The following FSD1L variants were observed in gnomAD, a reference collection of about 807,000 sequenced individuals.
The protein encoded by FSD1L is fibronectin type III and SPRY domain containing 1 like.
In FSD1L, 45 loss-of-function variants were observed where a neutral mutation model predicts 71.6. That is an observed-to-expected ratio of 0.63 (90% CI 0.49 to 0.81). The LOEUF (loss-of-function observed/expected upper bound fraction) is 0.81, where lower values mean the gene tolerates loss of function less well. Ranked by LOEUF, FSD1L falls within the 30% of genes least tolerant of loss-of-function variation. FSD1L has a pLI of 0.00. For missense variants in FSD1L, 561 were observed against 618.1 expected (o/e 0.91, Z 0.98); for synonymous variants, 197 against 207.2 (o/e 0.95, Z 0.42).
chr9:105,537,377 T>G (rs1229975851), intron 12 of FSD1L, among the ~76,000 whole-genome samples: 1 of 152,274 alleles, frequency 6.6e-6, no homozygotes, highest in African/African-American at 2.4e-5. Context: ...GTTTTTTAAC[T>G]TATTCACCTT....
intron 7 of FSD1L, among the ~76,000 whole-genome samples, chr9:105,491,666 A>G (rs1351350691): frequency 3.3e-5 from 5 of 152,036 alleles, no homozygotes; most frequent in Non-Finnish European, 7.4e-5. Context: ...ATTTTGAGAT[A>G]CGTCCCATCA....
At chr9:105,447,936 G>C (rs981611614), upstream of FSD1L, 3 of 520,210 alleles carry the variant, frequency 5.8e-6, no homozygotes, top group Admixed American at 4.1e-5. Flanking sequence ...TAGACAGACG[G>C]GCGGCGCTCC....
upstream of FSD1L, chr9:105,447,943 C>T: frequency 1.9e-6 from 1 of 524,354 alleles, no homozygotes; most frequent in Non-Finnish European, 3.3e-6. Flanking sequence ...ACGGGCGGCG[C>T]TCCCCACCCT....
At chr9:105,524,460 C>T in intron 10 of FSD1L, 9 of 1,613,428 alleles carry the variant, frequency 5.6e-6, no homozygotes, top group South Asian at 4.4e-5. Context: ...CATGGCCTTA[C>T]CTCTAAAGAC....
At chr9:105,500,904 G>C (rs1293229787) in intron 7 of FSD1L, 2 of 152,112 alleles carry the variant, frequency 1.3e-5, no homozygotes, top group East Asian at 3.8e-4. Context: ...TATCAGAAAG[G>C]CTTTTCTAAT....
chr9:105,535,786 C>T (rs1836227994), intron 12 of FSD1L, among the ~76,000 whole-genome samples: 1 of 151,954 alleles, frequency 6.6e-6, no homozygotes, highest in African/African-American at 2.4e-5. Flanking sequence ...CTACTATGTA[C>T]CTACAAAAAT....
chr9:105,449,504 C>G (rs896036520), intron 1 of FSD1L, among the ~76,000 whole-genome samples: 1 of 152,112 alleles, frequency 6.6e-6, no homozygotes, highest in African/African-American at 2.4e-5. Flanking sequence ...GAGCAAAGTC[C>G]GGAGACATGG....
intron 3 of FSD1L, 22 bp downstream of exon 3, chr9:105,464,353 T>G (rs1169768947): frequency 5.5e-6 from 7 of 1,262,580 alleles, no homozygotes; most frequent in Non-Finnish European, 7.7e-6. Flanking sequence ...TTATGAAAAA[T>G]TTTGTGTAAA....
chr9:105,461,843 G>A (rs62575095), intron 2 of FSD1L, among the ~76,000 whole-genome samples: 38,574 of 151,752 alleles, frequency 0.25, 5,230 homozygotes, highest in Non-Finnish European at 0.31. Context: ...GTGAGACCTC[G>A]TCTCTACAAA....
chr9:105,513,495 A>G (rs1834519756), intron 10 of FSD1L: 4 of 794,886 alleles, frequency 5.0e-6, no homozygotes, highest in Non-Finnish European at 5.8e-6. Context: ...ACAGTAATGA[A>G]TCCCCAAAAA....
At chr9:105,522,508 A>C in intron 10 of FSD1L, 4 of 1,613,846 alleles carry the variant, frequency 2.5e-6, no homozygotes, top group Middle Eastern at 1.7e-4. Flanking sequence ...ATAGTACGGC[A>C]AAAAACTGTC....
In FSD1L at chr9:105,449,152, A is replaced by G. The variant is rs118046379; in HGVS notation, c.15+917A>G. 8.0e-3 allele frequency among the ~76,000 whole-genome samples: 1,221 copies of G among 152,354 alleles called. 10 individuals carry two copies. The highest frequency in any genetic ancestry group is 0.02 in the Middle Eastern group (6 of 294). ...TAAGAGACTATTCTTTTCTATTATT[A>G]GAAAGCACGGGAAAGACTTAGAACA... On this transcript the variant is annotated intron_variant, in intron 1 of 13. Coordinates refer to ENST00000481272, the MANE Select transcript of FSD1L (RefSeq NM_001145313.3).
intron 12 of FSD1L, 102 bp from the exon 13 acceptor site, chr9:105,539,160 GC>G (rs1836449758): frequency 1.6e-6 from 1 of 608,804 alleles, no homozygotes; most frequent in Non-Finnish European, 2.8e-6. Flanking sequence ...AAAAATTAAT[GC>G]CAACTTATAT....
chr9:105,446,170 A>C (rs1374467932), upstream of FSD1L, among the ~76,000 whole-genome samples: 2 of 152,100 alleles, frequency 1.3e-5, no homozygotes, highest in African/African-American at 2.4e-5. Context: ...ATTGTAGAAT[A>C]AATGCTGTTT....
intron 7 of FSD1L, among the ~76,000 whole-genome samples, chr9:105,494,252 C>T (rs1833181739): frequency 6.6e-6 from 1 of 151,944 alleles, no homozygotes. Flanking sequence ...TCATTCATTT[C>T]ATCTTCCATT....
intron 1 of FSD1L, among the ~76,000 whole-genome samples, chr9:105,454,744 C>T (rs536697716): frequency 3.9e-5 from 6 of 152,180 alleles, no homozygotes; most frequent in African/African-American, 1.4e-4. Flanking sequence ...GGGAGATTAC[C>T]TCCTCATATG....
At chr9:105,472,061 C>T (rs760305725) in intron 5 of FSD1L, 56 bp downstream of exon 5, 28 of 1,391,636 alleles carry the variant, frequency 2.0e-5, no homozygotes, top group Admixed American at 1.5e-4. Flanking sequence ...TTTAAAAAGG[C>T]GTTTTTGTTT....
intron 7 of FSD1L, among the ~76,000 whole-genome samples, chr9:105,496,259 A>G (rs921444431): frequency 7.3e-6 from 1 of 136,096 alleles, no homozygotes; most frequent in African/African-American, 2.8e-5. Flanking sequence ...GCTGGAGTGC[A>G]GTGGCACAAT....
At chr9:105,523,591 CCT>C in intron 10 of FSD1L, 8 of 1,611,334 alleles carry the variant, frequency 5.0e-6, no homozygotes, top group Non-Finnish European at 5.1e-6. Context: ...GATAACCTGA[CCT>C]CCCCTTCTCC....
Sources: gnomAD v4.1 joint callset for allele counts (sites outside exome capture counted in the v4.1 genomes callset) on GRCh38, gnomAD v4.1.1 for gene constraint, MANE v1.5 for transcripts, NCBI Gene and HGNC (gene_info 2026-07-23, HGNC 2026-07-21) for gene names.